Variants in MYO1D observed in about 807,000 individuals in gnomAD.
MYO1D encodes unconventional myosin-Id.
A neutral mutation model predicts 122.0 loss-of-function variants in MYO1D; 83 were observed. That is an observed-to-expected ratio of 0.68 (90% CI 0.57 to 0.82). The LOEUF is 0.82. Among genes scored for constraint, MYO1D ranks in the 40% least tolerant of loss-of-function variants. The pLI, the probability that MYO1D is intolerant of heterozygous loss-of-function variation, is 0.00. For missense variants in MYO1D, 1,157 were observed against 1,269.5 expected (o/e 0.91, Z 1.35); for synonymous variants, 464 against 446.9 (o/e 1.04, Z -0.48).
At chr17:32,828,796 T>C (rs11080190) in intron 1 of MYO1D, among the ~76,000 whole-genome samples, 62,165 of 152,100 alleles carry the variant, frequency 0.41, 13,031 homozygotes, top group East Asian at 0.53. Flanking sequence ...TATGCATTTT[T>C]CTCATTTAAA....
chr17:32,630,555 A>C (rs2087990362), intron 20 of MYO1D, among the ~76,000 whole-genome samples: 1 of 152,088 alleles, frequency 6.6e-6, no homozygotes, highest in Non-Finnish European at 1.5e-5. Context: ...GTTTAAAATT[A>C]AGATGTTGGT....
chr17:32,554,037 G>A (rs1015019383), intron 21 of MYO1D, among the ~76,000 whole-genome samples: 19 of 152,080 alleles, frequency 1.2e-4, no homozygotes, highest in African/African-American at 2.7e-4. Context: ...TAATGGAACC[G>A]TGATCTACCA....
At chr17:32,564,817 G>A (rs2087157840) in intron 21 of MYO1D, among the ~76,000 whole-genome samples, 1 of 152,078 alleles carries the variant, frequency 6.6e-6, no homozygotes, top group Non-Finnish European at 1.5e-5. Flanking sequence ...AAGAGTATAG[G>A]AACAAATCCC....
intron 1 of MYO1D, among the ~76,000 whole-genome samples, chr17:32,830,988 G>A (rs374906644): frequency 5.3e-5 from 8 of 152,186 alleles, no homozygotes; most frequent in Non-Finnish European, 8.8e-5. Context: ...CCCAGGAGGC[G>A]GAGGTTGCAG....
intron 21 of MYO1D, among the ~76,000 whole-genome samples, chr17:32,580,892 T>C (rs1459954273): frequency 6.6e-6 from 1 of 152,216 alleles, no homozygotes; most frequent in Non-Finnish European, 1.5e-5. Flanking sequence ...ATGCTCTTAA[T>C]GGACATTGGT....
intron 1 of MYO1D, among the ~76,000 whole-genome samples, chr17:32,786,896 G>C (rs1292510402): frequency 6.6e-6 from 1 of 152,036 alleles, no homozygotes; most frequent in African/African-American, 2.4e-5. Context: ...GAAAAAAAAA[G>C]TAGGTAGTGG....
intron 11 of MYO1D, among the ~76,000 whole-genome samples, chr17:32,750,132 T>C (rs1286375573): frequency 2.0e-5 from 3 of 152,224 alleles, no homozygotes; most frequent in Non-Finnish European, 2.9e-5. Flanking sequence ...ATAAAGCTTC[T>C]GCAGCTCCTT....
chr17:32,507,492 T>A (rs1296848984), intron 21 of MYO1D, among the ~76,000 whole-genome samples: 2 of 152,126 alleles, frequency 1.3e-5, no homozygotes, highest in Non-Finnish European at 2.9e-5. Context: ...TCTTCTAAAG[T>A]ACACACAGAA....
chr17:32,494,665 A>C lies in MYO1D; in HGVS notation c.*94T>G. The C allele has an allele frequency of 7.2e-7, 1 of 1,390,048 alleles. No individual in the cohort carries two copies. Among genetic ancestry groups the C allele is most frequent in the Admixed American group, 2.6e-5 (1 of 38,730 alleles). The allele number at this position is 1,390,048 out of a possible 1,614,324, so 86.1% of individuals were successfully genotyped here. A position where few individuals can be genotyped will look rare whatever the true frequency, so the allele number is the denominator to read the frequency against. ...CTCCTCTGGGAGGGGCCCTCGCAGCAGGTTTCTAGCGGGCATGGGTTGGGA... is the reference window on the plus strand; with the variant it reads ...CTCCTCTGGGAGGGGCCCTCGCAGCCGGTTTCTAGCGGGCATGGGTTGGGA... On this transcript the variant is annotated 3_prime_UTR_variant, in exon 22 of 22. Coordinates refer to ENST00000318217, the MANE Select transcript of MYO1D (RefSeq NM_015194.3).
intron 21 of MYO1D, among the ~76,000 whole-genome samples, chr17:32,526,808 G>A (rs1302047025): frequency 6.6e-6 from 1 of 152,160 alleles, no homozygotes; most frequent in Admixed American, 6.5e-5. Context: ...GTGAGCTACC[G>A]TGCCCAGCCA....
At chr17:32,838,461 G>T (rs1437096264) in intron 1 of MYO1D, among the ~76,000 whole-genome samples, 1 of 152,034 alleles carries the variant, frequency 6.6e-6, no homozygotes, top group African/African-American at 2.4e-5. Flanking sequence ...TAGATTGTAG[G>T]GATAAAACAG....
At chr17:32,611,111 TC>T (rs770669045) in intron 20 of MYO1D, among the ~76,000 whole-genome samples, 36 of 152,094 alleles carry the variant, frequency 2.4e-4, no homozygotes, top group Non-Finnish European at 4.6e-4. Flanking sequence ...GCTGAGCAGT[TC>T]TGGAAGAGGA....
At chr17:32,568,042 C>T (rs909065665) in intron 21 of MYO1D, among the ~76,000 whole-genome samples, 1 of 151,930 alleles carries the variant, frequency 6.6e-6, no homozygotes, top group Non-Finnish European at 1.5e-5. Flanking sequence ...GCGGCAGCTT[C>T]CTAGAAAAAG....
At chr17:32,730,177 A>T in intron 14 of MYO1D, among the ~76,000 whole-genome samples, 1 of 146,058 alleles carries the variant, frequency 6.8e-6, no homozygotes. Context: ...TCTATTTTCT[A>T]CTATTTTCAA....
intron 1 of MYO1D, among the ~76,000 whole-genome samples, chr17:32,827,453 T>C (rs994867928): frequency 2.0e-5 from 3 of 152,140 alleles, no homozygotes; most frequent in Non-Finnish European, 4.4e-5. Flanking sequence ...TTTGAGATGA[T>C]GACAAAGTTC....
intron 16 of MYO1D, among the ~76,000 whole-genome samples, chr17:32,669,986 T>C (rs1313165472): frequency 1.3e-5 from 2 of 151,970 alleles, no homozygotes; most frequent in Non-Finnish European, 2.9e-5. Flanking sequence ...CTCCATTTCC[T>C]GGTTTTAGCG....
At chr17:32,761,880 T>C (rs4567777) in intron 8 of MYO1D, among the ~76,000 whole-genome samples, 104,253 of 151,946 alleles carry the variant, frequency 0.69, 36,035 homozygotes, top group Middle Eastern at 0.78. Context: ...AAATATTTGC[T>C]GAATACTTAT....
chr17:32,581,089 T>A (rs2087334727), intron 21 of MYO1D, among the ~76,000 whole-genome samples: 1 of 152,236 alleles, frequency 6.6e-6, no homozygotes, highest in Admixed American at 6.5e-5. Flanking sequence ...GTTTCCCTTG[T>A]GGAAAGGTTT....
intron 19 of MYO1D, among the ~76,000 whole-genome samples, chr17:32,653,035 G>A (rs762000013): frequency 1.3e-5 from 2 of 151,938 alleles, no homozygotes; most frequent in African/African-American, 2.4e-5. Context: ...CCAGCTACTC[G>A]GGAGGCTAAG....
Sources: gnomAD v4.1 joint callset for allele counts (sites outside exome capture counted in the v4.1 genomes callset) on GRCh38, gnomAD v4.1.1 for gene constraint, MANE v1.5 for transcripts, NCBI Gene and HGNC (gene_info 2026-07-23, HGNC 2026-07-21) for gene names.